The following PIWIL4 variants were observed in gnomAD, a reference collection of about 807,000 sequenced individuals.
PIWIL4 encodes piwi like RNA-mediated gene silencing 4, also known as piwi-like protein 4.
PIWIL4 carries 50 observed loss-of-function variants against 100.9 expected under a neutral mutation model. The observed-to-expected ratio is 0.50, with a 90% CI of 0.39 to 0.63. The LOEUF is 0.63. PIWIL4 is among the 20% of genes least tolerant of loss of function. The probability of loss-of-function intolerance (pLI) is 0.00; values close to 1 mark genes in which losing one functional copy is unlikely to be tolerated. For synonymous variants in PIWIL4, 342 were observed against 367.5 expected (o/e 0.93, Z 0.79); for missense variants, 887 against 1,043.3 (o/e 0.85, Z 2.06).
chr11:94,612,569 T>G (rs1254854708), intron 15 of PIWIL4, among the ~76,000 whole-genome samples: 1 of 152,188 alleles, frequency 6.6e-6, no homozygotes, highest in African/African-American at 2.4e-5. Context: ...GATGACTCAC[T>G]ATTGTGATTT....
At position 94,621,194 on chromosome 11, in the gene PIWIL4, G is replaced by A; in HGVS notation, c.*202G>A. 1 of 498,958 alleles carries A rather than the reference G, an allele frequency of 2.0e-6. No homozygotes were observed. Among genetic ancestry groups the A allele is most frequent in the South Asian group, 3.2e-5 (1 of 31,646 alleles). 30.9% of individuals were successfully genotyped at this position (498,958 alleles called of 1,614,324 possible). On this transcript the variant is annotated 3_prime_UTR_variant, in exon 20 of 20. Transcript: ENST00000299001. ...TTTGTTTTAAAGAGTTGTATGCTTG[G>A]GGTAAATTTTCATTGTCATATGTGG...
At chr11:94,597,454 T>C (rs1178994341) in intron 10 of PIWIL4, among the ~76,000 whole-genome samples, 1 of 152,258 alleles carries the variant, frequency 6.6e-6, no homozygotes, top group Non-Finnish European at 1.5e-5. Context: ...TCCTACGAAG[T>C]AGGTGCTTTT....
At chr11:94,609,442 C>G (rs1456584928) in intron 15 of PIWIL4, among the ~76,000 whole-genome samples, 3 of 152,076 alleles carry the variant, frequency 2.0e-5, no homozygotes, top group African/African-American at 7.2e-5. Flanking sequence ...ATGTTTTCTT[C>G]CTGGCTTAAG....
chr11:94,612,041 C>T (rs921252698), intron 15 of PIWIL4, among the ~76,000 whole-genome samples: 6 of 151,944 alleles, frequency 3.9e-5, no homozygotes, highest in African/African-American at 7.3e-5. Context: ...AGTTGTTGGC[C>T]GAAACATTTT....
intron 3 of PIWIL4, among the ~76,000 whole-genome samples, chr11:94,576,874 C>T (rs540373342): frequency 9.2e-5 from 14 of 152,274 alleles, no homozygotes; most frequent in African/African-American, 3.4e-4. Flanking sequence ...GTTGTATATT[C>T]ATAGTAAGAA....
At chr11:94,595,176 C>T (rs1033694693) in intron 9 of PIWIL4, 133 bp from the exon 10 acceptor site, 16 of 640,320 alleles carry the variant, frequency 2.5e-5, no homozygotes, top group African/African-American at 2.0e-4. Context: ...AAATGACATA[C>T]GTGGTTTTCA....
At chr11:94,580,399 C>T (rs565849576) in intron 4 of PIWIL4, among the ~76,000 whole-genome samples, 3 of 152,238 alleles carry the variant, frequency 2.0e-5, no homozygotes, top group Non-Finnish European at 4.4e-5. Flanking sequence ...CACTAGTTGA[C>T]GCAATGAACT....
intron 7 of PIWIL4, among the ~76,000 whole-genome samples, chr11:94,588,531 C>T (rs1166050471): frequency 6.6e-6 from 1 of 152,164 alleles, no homozygotes; most frequent in African/African-American, 2.4e-5. Flanking sequence ...CTAGAGAAAC[C>T]TGCTGTGGTA....
At chr11:94,588,014 TA>T (rs1480134263) in intron 7 of PIWIL4, among the ~76,000 whole-genome samples, 1 of 152,148 alleles carries the variant, frequency 6.6e-6, no homozygotes, top group Middle Eastern at 3.2e-3. Flanking sequence ...GTTAAGTAGG[TA>T]AAAGTGTGCC....
Position 94,601,921 on chromosome 11 carries a change from C to T in PIWIL4, c.1507C>T (p.Leu503=). The part of the protein sequence containing the change: ...DRTEYVAESF[L]NCLRRVAGSM... ...AACTGAATATGTTGCCGAGAGCTTT[C>T]TGAACTGCTTGAGAAGAGTTGCAGG... The change falls in exon 12 of 20, where the codon CTG becomes TTG. Residue 503 remains leucine, a synonymous_variant. Coordinates refer to ENST00000299001, the MANE Select transcript of PIWIL4 (RefSeq NM_152431.3). 6.2e-7 allele frequency: 1 copy of T among 1,613,946 alleles called. No individual in the cohort carries two copies. The highest frequency in any genetic ancestry group is 8.5e-7 in the Non-Finnish European group (1 of 1,179,976).
chr11:94,619,393 G>A lies in PIWIL4; in HGVS notation c.2169-367G>A, dbSNP rs181911096. ...TACTTGGAAATAAAATTGAGAGGAAGAGCGAAGGGGAAAATAGGTTGAGTC... is the reference window on the plus strand; with the variant it reads ...TACTTGGAAATAAAATTGAGAGGAAAAGCGAAGGGGAAAATAGGTTGAGTC... On this transcript the variant is annotated intron_variant, in intron 17 of 19. Coordinates refer to ENST00000299001, the MANE Select transcript of PIWIL4 (RefSeq NM_152431.3). Among the ~76,000 whole-genome samples, 4 of 152,286 alleles carry A rather than the reference G, an allele frequency of 2.6e-5. No individual in the cohort carries two copies. The East Asian group carries it at 7.7e-4, about 29-fold the overall frequency.
chr11:94,573,648 C>T (rs1056351141), intron 2 of PIWIL4, among the ~76,000 whole-genome samples: 4 of 152,100 alleles, frequency 2.6e-5, no homozygotes, highest in Non-Finnish European at 4.4e-5. Context: ...CCAACTTGAT[C>T]GTGGTGGATA....
intron 4 of PIWIL4, among the ~76,000 whole-genome samples, chr11:94,577,713 C>G (rs957896264): frequency 4.6e-5 from 7 of 152,148 alleles, no homozygotes; most frequent in African/African-American, 1.7e-4. Context: ...TAGTCCATCC[C>G]TAGAGAACTA....
At chr11:94,616,928 G>A (rs1341155719) in intron 16 of PIWIL4, among the ~76,000 whole-genome samples, 1 of 152,132 alleles carries the variant, frequency 6.6e-6, no homozygotes, top group Non-Finnish European at 1.5e-5. Context: ...GCTAGGATAG[G>A]GGTGCTAACA....
At chr11:94,582,877 C>T (rs988974885) in intron 4 of PIWIL4, among the ~76,000 whole-genome samples, 1 of 152,098 alleles carries the variant, frequency 6.6e-6, no homozygotes, top group Non-Finnish European at 1.5e-5. Flanking sequence ...TTCCTTCTCT[C>T]TTGTTCTCTG....
intron 19 of PIWIL4, among the ~76,000 whole-genome samples, chr11:94,620,622 A>T (rs2135310730): frequency 6.6e-6 from 1 of 152,250 alleles, no homozygotes; most frequent in East Asian, 1.9e-4. Flanking sequence ...AGATCACAGG[A>T]CAAAGACTAG....
chr11:94,604,127 C>T, intron 13 of PIWIL4, 71 bp downstream of exon 13: 1 of 889,886 alleles, frequency 1.1e-6, no homozygotes, highest in Admixed American at 2.8e-5. Context: ...ACAGTCTGAA[C>T]ATACCCTCCC....
At chr11:94,581,140 T>G (rs1948310386) in intron 4 of PIWIL4, among the ~76,000 whole-genome samples, 1 of 152,094 alleles carries the variant, frequency 6.6e-6, no homozygotes, top group African/African-American at 2.4e-5. Context: ...CCTCAGGTGA[T>G]CCACCCGCCT....
At chr11:94,590,228 T>C (rs1948464882) in intron 8 of PIWIL4, among the ~76,000 whole-genome samples, 2 of 152,210 alleles carry the variant, frequency 1.3e-5, no homozygotes, top group Non-Finnish European at 2.9e-5. Context: ...GTTATGCTGC[T>C]TTAGAAGTAG....
Sources: gnomAD v4.1 joint callset for allele counts (sites outside exome capture counted in the v4.1 genomes callset) on GRCh38, gnomAD v4.1.1 for gene constraint, MANE v1.5 for transcripts, NCBI Gene and HGNC (gene_info 2026-07-23, HGNC 2026-07-21) for gene names.